RBM26: variants seen among roughly 807,000 people sequenced by gnomAD.
RBM26 encodes the protein RNA binding motif protein 26, also known as RNA-binding protein 26.
Under a neutral mutation model 123.6 loss-of-function variants are expected in RBM26, and 30 were observed. The ratio of observed to expected loss-of-function variants is 0.24; its 90% CI spans 0.18 to 0.33. The LOEUF is 0.33. Among genes scored for constraint, RBM26 ranks in the 10% least tolerant of loss-of-function variants. RBM26 has a pLI of 1.00. For synonymous variants in RBM26, 400 were observed against 404.4 expected (o/e 0.99, Z 0.13); for missense variants, 947 against 1,203.6 (o/e 0.79, Z 3.15).
Position 79,320,007 on chromosome 13 carries a change from T to TA in RBM26, c.*613dup. On this transcript the variant is annotated 3_prime_UTR_variant, in exon 22 of 22. Transcript: ENST00000438737. The stretch of plus-strand genomic sequence containing the variant: ...TCTCTTTTCTTTCCTTTTTTTTTTT[T>TA]AAAGAGACCATTCCACTTTATTATA... The TA allele has an allele frequency of 2.3e-6, 2 of 886,702 alleles. No individual in the cohort carries two copies. Among genetic ancestry groups the TA allele is most frequent in the Non-Finnish European group, 2.7e-6 (2 of 742,982 alleles). 54.9% of individuals were successfully genotyped at this position (886,702 alleles called of 1,614,324 possible). A position where few individuals can be genotyped will look rare whatever the true frequency, so the allele number is the denominator to read the frequency against.
intron 20 of RBM26, among the ~76,000 whole-genome samples, chr13:79,330,038 AAT>A (rs2138688993): frequency 6.6e-6 from 1 of 152,348 alleles, no homozygotes; most frequent in South Asian, 2.1e-4. Context: ...TAGCGAGTGA[AAT>A]ATAGATGAAA....
At chr13:79,359,517 G>T in intron 10 of RBM26, 58 bp downstream of exon 10, 1 of 813,538 alleles carries the variant, frequency 1.2e-6, no homozygotes, top group Non-Finnish European at 2.0e-6. Context: ...TAATAATACA[G>T]AAATGATCCT....
chr13:79,346,315 ATACAGTACAGCTGATATTTAAAAAG>A, intron 14 of RBM26, among the ~76,000 whole-genome samples: 1 of 152,346 alleles, frequency 6.6e-6, no homozygotes, highest in South Asian at 2.1e-4. Context: ...TACTAGTTTC[ATACAGTACAGCTGATATTTAAAAAG>A]AAAGGTTCTT....
intron 19 of RBM26, among the ~76,000 whole-genome samples, chr13:79,336,347 G>T (rs2070399833): frequency 6.6e-6 from 1 of 152,084 alleles, no homozygotes; most frequent in Non-Finnish European, 1.5e-5. Flanking sequence ...GTGTTAAACT[G>T]ATACATGTAA....
At chr13:79,392,012 T>TAC (rs1594693641) in intron 1 of RBM26, among the ~76,000 whole-genome samples, 1 of 18,976 alleles carries the variant, frequency 5.3e-5, no homozygotes, top group East Asian at 2.9e-3. Flanking sequence ...TAATTATATA[T>TAC]TATACATTAT....
chr13:79,340,812 G>T (rs1167453387), intron 18 of RBM26, among the ~76,000 whole-genome samples: 3 of 151,844 alleles, frequency 2.0e-5, no homozygotes, highest in South Asian at 2.1e-4. Flanking sequence ...TACCTGAAAA[G>T]ACTTTATTAT....
intron 20 of RBM26, among the ~76,000 whole-genome samples, chr13:79,326,975 T>C (rs1403698967): frequency 6.6e-6 from 1 of 151,970 alleles, no homozygotes; most frequent in African/African-American, 2.4e-5. Flanking sequence ...AAGTCATTGT[T>C]ATACAAACAT....
chr13:79,340,254 C>T (rs893639082), intron 18 of RBM26, among the ~76,000 whole-genome samples: 35 of 151,922 alleles, frequency 2.3e-4, no homozygotes, highest in Admixed American at 1.4e-3. Flanking sequence ...TTTAGGACAA[C>T]ATCCTATGGC....
intron 14 of RBM26, among the ~76,000 whole-genome samples, chr13:79,345,971 G>A (rs1247962916): frequency 2.0e-5 from 3 of 152,140 alleles, no homozygotes; most frequent in Non-Finnish European, 2.9e-5. Context: ...GGTGATCTAC[G>A]AATGCTATAA....
rs11452714 is a variant in RBM26, at chr13:79,331,464, CAAAAAAA to C, written c.2820+2873_2820+2879del. Among the ~76,000 whole-genome samples the C allele has an allele frequency of 3.9e-5, 5 of 128,726 alleles. No individual in the cohort carries two copies. In the East Asian group the frequency reaches 7.1e-4, roughly 18 times the overall value. 84.4% of individuals were successfully genotyped at this position (128,726 alleles called of 152,430 possible). A position where few individuals can be genotyped will look rare whatever the true frequency, so the allele number is the denominator to read the frequency against. ...TGAAACCCTGTCTCTACTAAAAATA[CAAAAAAA>C]AAAAAAAAAAAAATTAACTGGGCGT... On this transcript the variant is annotated intron_variant, in intron 20 of 21. Transcript: ENST00000438737.
intron 10 of RBM26, among the ~76,000 whole-genome samples, chr13:79,358,916 C>G (rs1039217383): frequency 6.6e-6 from 1 of 152,122 alleles, no homozygotes; most frequent in Middle Eastern, 3.2e-3. Flanking sequence ...ATAAAGAATA[C>G]ATTTTGACAC....
chr13:79,314,338 T>A (rs1478930670), downstream of RBM26: 1 of 151,756 alleles, frequency 6.6e-6, no homozygotes. Flanking sequence ...CCACAGATCA[T>A]CATTTGTCAC....
intron 1 of RBM26, among the ~76,000 whole-genome samples, chr13:79,387,055 TGATACG>T (rs1225837982): frequency 1.3e-5 from 2 of 152,146 alleles, no homozygotes; most frequent in Non-Finnish European, 2.9e-5. Flanking sequence ...CAAAATTTTC[TGATACG>T]GTTACCACAG....
intron 13 of RBM26, 58 bp from the exon 14 acceptor site, chr13:79,353,282 G>A: frequency 2.0e-6 from 2 of 1,013,458 alleles, no homozygotes; most frequent in Admixed American, 2.1e-5. Flanking sequence ...AAGTCTGTTG[G>A]GATCTTGAAC....
At chr13:79,352,466 CAAA>C (rs61295621) in intron 14 of RBM26, among the ~76,000 whole-genome samples, 32 of 136,046 alleles carry the variant, frequency 2.4e-4, no homozygotes, top group African/African-American at 3.9e-4. Context: ...CATACCTAAA[CAAA>C]AAAAAAAAAT....
In RBM26 at chr13:79,360,219, G is replaced by T. The variant is rs769792370; in HGVS notation, c.1418-533C>A. Reference sequence around the variant, plus strand: ...ACTTTATCACAGGTGTGACTGTATAGGAAAAAGCATAGTATATGTAGGGTT... The same window carrying T: ...ACTTTATCACAGGTGTGACTGTATATGAAAAAGCATAGTATATGTAGGGTT... On this transcript the variant is annotated intron_variant, in intron 9 of 21. Coordinates refer to ENST00000438737, the MANE Select transcript of RBM26 (RefSeq NM_001366735.2). 2.6e-5 allele frequency among the ~76,000 whole-genome samples: 4 copies of T among 152,114 alleles called. No individual in the cohort carries two copies. The South Asian group carries it at 8.3e-4, about 32-fold the overall frequency.
intron 3 of RBM26, among the ~76,000 whole-genome samples, chr13:79,375,079 T>TATAATATTTATATA (rs2076530774): frequency 4.7e-5 from 1 of 21,400 alleles, no homozygotes; most frequent in Non-Finnish European, 8.3e-5. Flanking sequence ...ATTTATATGA[T>TATAATATTTATATA]ATATATAAAT....
chr13:79,393,133 A>G (rs931239453), intron 1 of RBM26, among the ~76,000 whole-genome samples: 14 of 152,196 alleles, frequency 9.2e-5, no homozygotes, highest in Non-Finnish European at 1.3e-4. Context: ...TCCAGCTAAC[A>G]AAGTCTGAGT....
chr13:79,366,347 C>T, intron 7 of RBM26, 152 bp from the exon 8 acceptor site: 1 of 938,538 alleles, frequency 1.1e-6, no homozygotes, highest in Non-Finnish European at 1.6e-6. Flanking sequence ...GGTAAAATAT[C>T]CTTTTAATAC....
Sources: gnomAD v4.1 joint callset for allele counts (sites outside exome capture counted in the v4.1 genomes callset) on GRCh38, gnomAD v4.1.1 for gene constraint, MANE v1.5 for transcripts, NCBI Gene and HGNC (gene_info 2026-07-23, HGNC 2026-07-21) for gene names.